Variants in TNRC6A observed in about 807,000 individuals in gnomAD.
TNRC6A encodes trinucleotide repeat containing adaptor 6A.
TNRC6A carries 44 observed loss-of-function variants against 221.2 expected under a neutral mutation model. The ratio of observed to expected loss-of-function variants is 0.20; its 90% CI spans 0.16 to 0.26. The LOEUF is 0.26. Among genes scored for constraint, TNRC6A ranks in the 10% least tolerant of loss-of-function variants. The pLI is 1.00. For missense variants in TNRC6A, 2,199 were observed against 2,404.4 expected, an observed-to-expected ratio of 0.91 and a Z score of 1.79; for synonymous variants, 847 against 838.5, an observed-to-expected ratio of 1.01 and a Z score of -0.18.
At chr16:24,769,210 T>A (rs2057538625) in intron 4 of TNRC6A, among the ~76,000 whole-genome samples, 1 of 152,188 alleles carries the variant, frequency 6.6e-6, no homozygotes, top group Non-Finnish European at 1.5e-5. Flanking sequence ...TATGTTTTTA[T>A]ATAAGAAATA....
At chr16:24,792,613 C>CTTTTTTTTTTTGT (rs2058129780) in intron 6 of TNRC6A, among the ~76,000 whole-genome samples, 1 of 56,514 alleles carries the variant, frequency 1.8e-5, no homozygotes, top group African/African-American at 8.1e-5. Flanking sequence ...ACATTTATGG[C>CTTTTTTTTTTTGT]TTTTTTTTTT....
At chr16:24,745,912 C>T (rs997739283) in intron 2 of TNRC6A, among the ~76,000 whole-genome samples, 2 of 151,008 alleles carry the variant, frequency 1.3e-5, no homozygotes, top group East Asian at 3.9e-4. Context: ...CTTAGATTTT[C>T]GCAACAGTCT....
intron 1 of TNRC6A, among the ~76,000 whole-genome samples, chr16:24,626,826 AC>A (rs1440741625): frequency 9.3e-5 from 14 of 150,408 alleles, no homozygotes; most frequent in South Asian, 2.1e-4. Context: ...ATTTTTTTGT[AC>A]TTTTTAGTAG....
rs777080175 is a variant in TNRC6A, at chr16:24,682,957, T to C, written n.402+41948T>C. Among the ~76,000 whole-genome samples, 8 of 152,312 alleles carry C rather than the reference T, an allele frequency of 5.3e-5. No individual in the cohort carries two copies. In the East Asian group the frequency reaches 5.8e-4, roughly 11 times the overall value. The stretch of plus-strand genomic sequence containing the variant: ...CCCTCACAATAATCCTTCAAGATAG[T>C]TGTTTACATTCTAATGGAAAACTGA... On this transcript the variant is annotated intron_variant and non_coding_transcript_variant, in intron 2 of 2. Transcript: ENST00000566108.
intron 21 of TNRC6A, among the ~76,000 whole-genome samples, 191 bp downstream of exon 21, chr16:24,818,891 C>G (rs1210061497): frequency 6.6e-6 from 1 of 152,058 alleles, no homozygotes; most frequent in African/African-American, 2.4e-5. Context: ...CTACTAAAAT[C>G]AGTTTTCACT....
intron 18 of TNRC6A, among the ~76,000 whole-genome samples, chr16:24,812,328 A>G (rs2058563642): frequency 6.6e-6 from 1 of 152,122 alleles, no homozygotes; most frequent in Admixed American, 6.5e-5. Flanking sequence ...CTGAGATTAT[A>G]GGCGTTAGCC....
At chr16:24,689,458 GA>G (rs1167510439) in intron 2 of TNRC6A, among the ~76,000 whole-genome samples, 2 of 152,186 alleles carry the variant, frequency 1.3e-5, no homozygotes, top group African/African-American at 4.8e-5. Context: ...ACATTGATGA[GA>G]ATTCTTCCTC....
intron 3 of TNRC6A, among the ~76,000 whole-genome samples, chr16:24,756,090 T>C (rs1237665982): frequency 6.6e-6 from 1 of 152,184 alleles, no homozygotes; most frequent in Non-Finnish European, 1.5e-5. Context: ...AATTTTAATA[T>C]ATTTTATATA....
chr16:24,818,677 G>A lies in TNRC6A; in HGVS notation c.5057G>A (p.Ser1686Asn). 6.2e-7 allele frequency: 1 copy of A among 1,614,108 alleles called. No individual in the cohort carries two copies. The highest frequency in any genetic ancestry group is 8.5e-7 in the Non-Finnish European group (1 of 1,179,998). Reference protein sequence around the residue: ...IRASNYNVPLSSTAQSTSARN... With the variant: ...IRASNYNVPLNSTAQSTSARN... ...GCCTCCAACTACAACGTTCCCCTCA[G>A]CAGTACAGCACAAAGCACTTCAGGT... The change falls in exon 21 of 25, where the codon AGC becomes AAC. Residue 1686 changes from serine (S) to asparagine (N), a missense_variant. Ser to Asn is a conservative substitution (Grantham distance 46, BLOSUM62 1). Around this residue, in one of 8 missense-constraint regions of TNRC6A, gnomAD observed 449 missense variants for 579.7 expected, o/e 0.77. Transcript: ENST00000395799.
intron 4 of TNRC6A, among the ~76,000 whole-genome samples, chr16:24,766,685 T>C (rs1273214085): frequency 2.0e-5 from 3 of 148,666 alleles, no homozygotes; most frequent in Non-Finnish European, 4.5e-5. Context: ...TTTTTTTTTT[T>C]TTTTTTTTTG....
At chr16:24,809,283 AGTT>A in intron 17 of TNRC6A, 64 bp from the exon 18 acceptor site, 2 of 1,350,944 alleles carry the variant, frequency 1.5e-6, no homozygotes, top group Non-Finnish European at 2.0e-6. Context: ...AGGAAATAGA[AGTT>A]GTGCTACTAG....
chr16:24,633,206 T>C (rs1041377888), intron 1 of TNRC6A, among the ~76,000 whole-genome samples: 16 of 152,040 alleles, frequency 1.1e-4, no homozygotes, highest in African/African-American at 3.9e-4. Context: ...ATGCAGCTGC[T>C]TGACTTATTC....
chr16:24,712,302 G>C (rs1456962769), intron 2 of TNRC6A, among the ~76,000 whole-genome samples: 1 of 152,168 alleles, frequency 6.6e-6, no homozygotes, highest in African/African-American at 2.4e-5. Flanking sequence ...ACCACACCCG[G>C]CTGCTGTAAC....
intron 2 of TNRC6A, among the ~76,000 whole-genome samples, chr16:24,740,279 T>C (rs1332916530): frequency 6.6e-6 from 1 of 152,204 alleles, no homozygotes; most frequent in African/African-American, 2.4e-5. Flanking sequence ...TTTTTAAAGA[T>C]TGCATTGACT....
chr16:24,643,540 T>A (rs1472513043), intron 2 of TNRC6A, among the ~76,000 whole-genome samples: 5 of 152,100 alleles, frequency 3.3e-5, no homozygotes, highest in Non-Finnish European at 7.3e-5. Flanking sequence ...CACGCTCTAT[T>A]TTCTTCCATC....
chr16:24,776,104 C>G (rs1350892859), intron 4 of TNRC6A, among the ~76,000 whole-genome samples: 2 of 152,094 alleles, frequency 1.3e-5, no homozygotes, highest in African/African-American at 2.4e-5. Flanking sequence ...CTTGTAAAGG[C>G]AGGGCTGGGG....
rs1464852759 is a variant in TNRC6A, at chr16:24,729,666, CCTGCGGCGGCGGCGGTGTCGGCGG to C, written c.-174_-151del. On this transcript the variant is annotated 5_prime_UTR_variant, in exon 1 of 25. Transcript: ENST00000395799. ...TGGGGCATTCACTTCCGGTCTGGGG[CCTGCGGCGGCGGCGGTGTCGGCGG>C]CGGCGGCGGCGGCGGCGGCGGCGGC... 1.2e-4 allele frequency: 77 copies of C among 637,340 alleles called. 5 individuals carry two copies. The highest frequency in any genetic ancestry group is 1.0e-4 in the South Asian group (2 of 20,018). The allele number at this position is 637,340 out of a possible 1,614,324, so 39.5% of individuals were successfully genotyped here. A position where few individuals can be genotyped will look rare whatever the true frequency, so the allele number is the denominator to read the frequency against.
intron 5 of TNRC6A, among the ~76,000 whole-genome samples, chr16:24,781,773 C>T (rs2057851970): frequency 6.6e-6 from 1 of 152,078 alleles, no homozygotes; most frequent in African/African-American, 2.4e-5. Flanking sequence ...TTACTCTTCC[C>T]TCTCCTATAT....
At position 24,741,862 on chromosome 16, in the gene TNRC6A, G is replaced by C. The variant is rs532615026; in HGVS notation, c.54-8864G>C. ...TATTTATTTATTTTTTGGGGGACAT[G>C]GTCTTGCTCTGTTGCCTAGGCTGGA... On this transcript the variant is annotated intron_variant, in intron 2 of 24. Coordinates refer to ENST00000395799, the MANE Select transcript of TNRC6A (RefSeq NM_014494.4). Among the ~76,000 whole-genome samples the C allele has an allele frequency of 2.6e-4, 40 of 152,250 alleles. No homozygotes were observed. The South Asian group carries it at 7.9e-3, about 30-fold the overall frequency.
Sources: allele counts gnomAD v4.1 joint callset (sites outside exome capture counted in the v4.1 genomes callset), GRCh38; gene constraint gnomAD v4.1.1; regional missense constraint gnomAD v4.1.1; transcripts MANE v1.5; gene names NCBI Gene and HGNC (gene_info 2026-07-23, HGNC 2026-07-21).